The following TRAFD1 variants were observed in gnomAD, a reference collection of about 807,000 sequenced individuals.
TRAFD1 encodes the protein TRAF-type zinc finger domain-containing protein 1.
A neutral mutation model predicts 65.3 loss-of-function variants in TRAFD1; 38 were observed. The observed-to-expected ratio is 0.58, with a 90% CI of 0.45 to 0.76. TRAFD1 has a LOEUF of 0.76. TRAFD1 is among the 30% of genes least tolerant of loss of function. The pLI is 0.00. For missense variants in TRAFD1, 631 were observed against 712.6 expected, an observed-to-expected ratio of 0.89 and a Z score of 1.30; for synonymous variants, 223 against 257.2, an observed-to-expected ratio of 0.87 and a Z score of 1.27.
At chr12:112,143,149 G>A (rs536134121) in intron 6 of TRAFD1, among the ~76,000 whole-genome samples, 1 of 151,854 alleles carries the variant, frequency 6.6e-6, no homozygotes, top group South Asian at 2.1e-4. Context: ...GCACGATCTC[G>A]GCTCACTGCA....
rs114214054 is a variant in TRAFD1 at position 112,152,742 on chromosome 12, C to A, written c.1700C>A (p.Pro567His). The change falls in exon 12 of 12, where the codon CCT (proline) becomes CAT (histidine). Residue 567 changes from proline (P) to histidine (H), a missense_variant. Transcript: ENST00000412615. This position sits in a 1 kb window ranked among gnomAD's most constrained non-coding sequence, Gnocchi z 5.0. ...TGTTGTGTTGTTCACCAGGCAAAGC[C>A]TTCCAAGCAACAGGGAGCTGGGGAT... ...NYRSRTAKAK[P>H]SKQQGAGDAE... 18 of 1,614,198 alleles carry A rather than the reference C, an allele frequency of 1.1e-5. No homozygotes were observed. Among genetic ancestry groups the A allele is most frequent in the Non-Finnish European group, 1.4e-5 (16 of 1,180,044 alleles).
intron 1 of TRAFD1, among the ~76,000 whole-genome samples, chr12:112,128,820 CA>C (rs1430606582): frequency 5.9e-5 from 9 of 151,970 alleles, no homozygotes; most frequent in Non-Finnish European, 1.3e-4. Flanking sequence ...GCTGGTGGAT[CA>C]TATGAGGTCA....
Position 112,142,223 on chromosome 12 carries a change from C to T in TRAFD1, c.778C>T (p.Gln260Ter). The T allele has an allele frequency of 6.2e-7, 1 of 1,613,940 alleles. No homozygotes were observed. Among genetic ancestry groups the T allele is most frequent in the Non-Finnish European group, 8.5e-7 (1 of 1,179,942 alleles). The change falls in exon 6 of 12, where the codon CAG (glutamine) becomes TAG (stop). Residue 260 changes from glutamine (Q) to a stop codon, truncating the protein, a stop_gained. Coordinates refer to ENST00000412615, the MANE Select transcript of TRAFD1 (RefSeq NM_006700.3). LOFTEE classifies it high-confidence loss of function. ...NEGQASSVAE[Q>*]DFWRAVCEAD... ...AGGCCAAGCCTCCAGTGTGGCAGAG[C>T]AGGACTTCTGGAGGGCCGTATGTGA...
rs376492240 is a variant in TRAFD1, at chr12:112,151,838, G to C, written c.1317G>C (p.Gln439His). 1.9e-6 allele frequency: 3 copies of C among 1,614,020 alleles called. No homozygotes were observed. Among genetic ancestry groups the C allele is most frequent in the Non-Finnish European group, 2.5e-6 (3 of 1,180,034 alleles). Residue 439 changes from glutamine (Q) to histidine (H), a missense_variant, in exon 10 of 12, where the codon CAG (glutamine) becomes CAC (histidine). Transcript: ENST00000412615. ...CTGGTTACCTGGATGATACTAAGCAGGAAACAGCTAATGGGCCCACCTCCT... is the reference window on the plus strand; with the variant it reads ...CTGGTTACCTGGATGATACTAAGCACGAAACAGCTAATGGGCCCACCTCCT... The part of the protein sequence containing the change: ...LSSGYLDDTK[Q>H]ETANGPTSCL...
In TRAFD1 at chr12:112,132,453, T is replaced by A. The variant is rs146697832; in HGVS notation, c.47+1884T>A. On this transcript the variant is annotated intron_variant, in intron 2 of 11. Coordinates refer to ENST00000412615, the MANE Select transcript of TRAFD1 (RefSeq NM_006700.3). The stretch of plus-strand genomic sequence containing the variant: ...TAAAGTATTCATTTCACAACATCTT[T>A]AAAAAGTTGGGATGTATTATTTTAA... Among the ~76,000 whole-genome samples, 419 of 152,346 alleles carry A rather than the reference T, an allele frequency of 2.8e-3. 4 individuals carry two copies. Among genetic ancestry groups the A allele is most frequent in the African/African-American group, 9.4e-3 (392 of 41,582 alleles).
Position 112,130,664 on chromosome 12 carries a change from CA to C in TRAFD1, c.47+96del. 7.4e-6 allele frequency: 8 copies of C among 1,087,284 alleles called. No homozygotes were observed. The highest frequency in any genetic ancestry group is 1.1e-5 in the Non-Finnish European group (8 of 731,544). 67.4% of individuals were successfully genotyped at this position (1,087,284 alleles called of 1,614,324 possible). On this transcript the variant is annotated intron_variant, in intron 2 of 11. Transcript: ENST00000412615. The surrounding 1 kb of genome is among the most constrained non-coding windows in gnomAD (Gnocchi z 4.4). ...TTTAAAAACTGTTAGTGAAGACTGG[CA>C]CAGTCTTGAGTTAAGCTTTCTATTT...
At chr12:112,144,923 C>T (rs2030196351) in intron 6 of TRAFD1, among the ~76,000 whole-genome samples, 2 of 152,156 alleles carry the variant, frequency 1.3e-5, no homozygotes, top group Admixed American at 1.3e-4. Flanking sequence ...AACAGAAGCA[C>T]AGACTGTGAC....
rs1366683133 is a variant in TRAFD1, at chr12:112,130,087, C to G, written c.-12-424C>G. On this transcript the variant is annotated intron_variant, in intron 1 of 11. Transcript: ENST00000412615. This position sits in a 1 kb window ranked among gnomAD's most constrained non-coding sequence, Gnocchi z 4.4. ...GCACATTCCTCCTGCCTCGGCCTCT[C>G]GAGTAGCTGGGACTACAGGCACACA... Among the ~76,000 whole-genome samples the G allele has an allele frequency of 2.6e-5, 4 of 152,016 alleles. No homozygotes were observed. Among genetic ancestry groups the G allele is most frequent in the Middle Eastern group, 3.4e-3 (1 of 294 alleles).
intron 2 of TRAFD1, among the ~76,000 whole-genome samples, chr12:112,133,854 G>C (rs1335089632): frequency 6.6e-6 from 1 of 151,094 alleles, no homozygotes; most frequent in Non-Finnish European, 1.5e-5. Context: ...ACAGGTACCC[G>C]CCACCACACC....
intron 1 of TRAFD1, among the ~76,000 whole-genome samples, chr12:112,127,765 T>TG (rs1180656581): frequency 2.6e-5 from 4 of 151,470 alleles, no homozygotes. Context: ...TAGTAGAGAC[T>TG]GGGTTTCACC....
At chr12:112,128,955 CAGTGAGCCGAGATCG>C (rs1204241874) in intron 1 of TRAFD1, among the ~76,000 whole-genome samples, 5 of 147,454 alleles carry the variant, frequency 3.4e-5, no homozygotes, top group South Asian at 2.2e-4. Context: ...GTCGAGGTTG[CAGTGAGCCGAGATCG>C]CAGTGAGCCG....
At chr12:112,144,974 T>G (rs1207372090) in intron 6 of TRAFD1, among the ~76,000 whole-genome samples, 1 of 152,206 alleles carries the variant, frequency 6.6e-6, no homozygotes, top group Non-Finnish European at 1.5e-5. Context: ...TTACTCTACT[T>G]GGTAGAGACT....
chr12:112,143,036 A>G (rs1213965969), intron 6 of TRAFD1, among the ~76,000 whole-genome samples: 4 of 149,664 alleles, frequency 2.7e-5, no homozygotes, highest in East Asian at 2.0e-4. Flanking sequence ...TCCTGCCTCA[A>G]CCTCCTGAGT....
At chr12:112,144,026 G>C (rs974008591) in intron 6 of TRAFD1, among the ~76,000 whole-genome samples, 1 of 152,034 alleles carries the variant, frequency 6.6e-6, no homozygotes, top group Non-Finnish European at 1.5e-5. Flanking sequence ...ACTGCGCCCA[G>C]CATAGTTCCC....
At chr12:112,131,248 CAG>C (rs1027621697) in intron 2 of TRAFD1, among the ~76,000 whole-genome samples, 1 of 152,060 alleles carries the variant, frequency 6.6e-6, no homozygotes, top group African/African-American at 2.4e-5. Flanking sequence ...GCTACTGAAA[CAG>C]AGTAATCAGA....
intron 2 of TRAFD1, among the ~76,000 whole-genome samples, chr12:112,132,969 T>A (rs889752587): frequency 5.3e-5 from 8 of 152,218 alleles, no homozygotes; most frequent in African/African-American, 1.7e-4. Context: ...TTCTTTAATG[T>A]AGTTTTTAGC....
rs2030436493 is a variant in TRAFD1, at chr12:112,152,435, G to A, written c.1628G>A (p.Ser543Asn). ...TAATTGTTTTCTTTCAGTGGTAGGAGTGAAGGTGGCAGGAATTCCCGGGTC... is the reference window on the plus strand; with the variant it reads ...TAATTGTTTTCTTTCAGTGGTAGGAATGAAGGTGGCAGGAATTCCCGGGTC... ...PSGRYGASGR[S>N]EGGRNSRVTP... is the part of the protein sequence containing the mutation. The change falls in exon 11 of 12, where the codon AGT becomes AAT. Residue 543 changes from serine to asparagine, a missense_variant. Transcript: ENST00000412615. The surrounding 1 kb of genome is among the most constrained non-coding windows in gnomAD (Gnocchi z 5.0). 6.2e-7 allele frequency: 1 copy of A among 1,613,192 alleles called. No individual in the cohort carries two copies. The highest frequency in any genetic ancestry group is 8.5e-7 in the Non-Finnish European group (1 of 1,180,032).
At chr12:112,145,519 G>A (rs2030214334) in intron 6 of TRAFD1, 67 bp from the exon 7 acceptor site, 1 of 1,510,934 alleles carries the variant, frequency 6.6e-7, no homozygotes, top group African/African-American at 1.4e-5. Flanking sequence ...CCCATAAAGA[G>A]GATAAAAAGT....
rs1328374087 is a variant in TRAFD1, at chr12:112,137,043, T to C, written c.237+1977T>C. Among the ~76,000 whole-genome samples the C allele has an allele frequency of 6.6e-6, 1 of 152,042 alleles. No individual in the cohort carries two copies. The highest frequency in any genetic ancestry group is 1.5e-5 in the Non-Finnish European group (1 of 68,006). On this transcript the variant is annotated intron_variant, in intron 4 of 11. Coordinates refer to ENST00000412615, the MANE Select transcript of TRAFD1 (RefSeq NM_006700.3). The surrounding 1 kb of genome is among the most constrained non-coding windows in gnomAD (Gnocchi z 4.2). The stretch of plus-strand genomic sequence containing the variant: ...TTCGAGACCAGCCTGGCCAATATGG[T>C]GAAACCCCGTCTCTACTAAAAATAC...
Sources: allele counts gnomAD v4.1 joint callset (sites outside exome capture counted in the v4.1 genomes callset), GRCh38; gene constraint gnomAD v4.1.1; non-coding constraint Gnocchi (gnomAD v3.1); transcripts MANE v1.5; gene names NCBI Gene and HGNC (gene_info 2026-07-23, HGNC 2026-07-21).